CSMD1: variants seen among roughly 807,000 people sequenced by gnomAD.
CSMD1 encodes the protein CUB and sushi domain-containing protein 1.
CSMD1 carries 213 observed loss-of-function variants against 417.5 expected under a neutral mutation model. The observed-to-expected ratio is 0.51, with a 90% confidence interval of 0.46 to 0.57. The LOEUF (loss-of-function observed/expected upper bound fraction) is 0.57, where lower values mean the gene tolerates loss of function less well. Ranked by LOEUF, CSMD1 falls within the 20% of genes least tolerant of loss-of-function variation. The probability of loss-of-function intolerance (pLI) is 0.00; values close to 1 mark genes in which losing one functional copy is unlikely to be tolerated. For missense variants in CSMD1, 6,923 were observed against 4,529.7 expected, an observed-to-expected ratio of 1.53 and a Z score of -15.17; for synonymous variants, 2,862 against 1,736.8, an observed-to-expected ratio of 1.65 and a Z score of -16.11.
intron 26 of CSMD1, among the ~76,000 whole-genome samples, chr8:3,261,542 C>T (rs1801057830): frequency 6.6e-6 from 1 of 152,082 alleles, no homozygotes; most frequent in Admixed American, 6.6e-5. Context: ...AGAAAACCTG[C>T]GCGTGAATGT....
chr8:4,615,285 C>G (rs760626675), intron 2 of CSMD1, among the ~76,000 whole-genome samples: 3 of 152,198 alleles, frequency 2.0e-5, no homozygotes, highest in Admixed American at 1.3e-4. Flanking sequence ...ATGAAATAAT[C>G]TCTTCACATT....
intron 3 of CSMD1, among the ~76,000 whole-genome samples, chr8:4,163,198 T>C (rs890760567): frequency 2.4e-4 from 37 of 152,346 alleles, no homozygotes; most frequent in African/African-American, 8.2e-4. Context: ...AAAACATCCC[T>C]TGGCAGGTTT....
chr8:3,536,394 G>A (rs1029361693), intron 10 of CSMD1, among the ~76,000 whole-genome samples: 4 of 152,168 alleles, frequency 2.6e-5, no homozygotes, highest in East Asian at 1.9e-4. Context: ...ATTCTACTAC[G>A]TGCAACTGTA....
intron 1 of CSMD1, chr8:4,787,682 C>T: frequency 1.3e-6 from 2 of 1,590,092 alleles, no homozygotes; most frequent in Non-Finnish European, 8.6e-7. Context: ...GTTTACCCAC[C>T]TAAAGTGGAG....
chr8:4,191,926 T>C (rs1444221170), intron 3 of CSMD1, among the ~76,000 whole-genome samples: 4 of 152,172 alleles, frequency 2.6e-5, no homozygotes, highest in Non-Finnish European at 5.9e-5. Flanking sequence ...ATTAGCACAA[T>C]TCAGCTCCCT....
chr8:4,581,653 G>C (rs185584109), intron 2 of CSMD1, among the ~76,000 whole-genome samples: 408 of 152,296 alleles, frequency 2.7e-3, no homozygotes, highest in African/African-American at 9.3e-3. Context: ...GTGGAAAGGG[G>C]AGTTCATTTG....
chr8:3,780,949 C>G (rs531509039), intron 5 of CSMD1, among the ~76,000 whole-genome samples: 1 of 152,134 alleles, frequency 6.6e-6, no homozygotes, highest in Non-Finnish European at 1.5e-5. Flanking sequence ...AAAAATAAAG[C>G]TCTAAAGATA....
At chr8:4,933,386 G>A (rs558356322) in intron 1 of CSMD1, among the ~76,000 whole-genome samples, 1 of 152,144 alleles carries the variant, frequency 6.6e-6, no homozygotes, top group South Asian at 2.1e-4. Context: ...CTTCCTCCTC[G>A]CCATCTGACC....
At chr8:3,957,739 G>C (rs1012844424) in intron 5 of CSMD1, among the ~76,000 whole-genome samples, 1 of 151,424 alleles carries the variant, frequency 6.6e-6, no homozygotes, top group Non-Finnish European at 1.5e-5. Flanking sequence ...AAGAAATGTA[G>C]AAAAGAAAAA....
intron 3 of CSMD1, among the ~76,000 whole-genome samples, chr8:4,034,414 C>T (rs1797511766): frequency 6.6e-6 from 1 of 152,170 alleles, no homozygotes; most frequent in Admixed American, 6.5e-5. Context: ...GAAAATAGTT[C>T]ACTATTGTCT....
intron 5 of CSMD1, among the ~76,000 whole-genome samples, chr8:3,893,363 T>TATATATATATA (rs1563185043): frequency 6.9e-5 from 2 of 28,820 alleles, no homozygotes; most frequent in African/African-American, 1.5e-4. Context: ...ATATATATAT[T>TATATATATATA]ATTTTTTTTC....
At chr8:4,339,977 T>C (rs1032832645) in intron 3 of CSMD1, among the ~76,000 whole-genome samples, 2 of 152,038 alleles carry the variant, frequency 1.3e-5, no homozygotes, top group African/African-American at 4.8e-5. Context: ...TGAGCGGTGA[T>C]AGCAACACTG....
At chr8:3,413,932 A>T (rs1202821441) in intron 12 of CSMD1, among the ~76,000 whole-genome samples, 5 of 151,990 alleles carry the variant, frequency 3.3e-5, no homozygotes, top group African/African-American at 1.2e-4. Flanking sequence ...TGAGATCATG[A>T]GTTGGAGACC....
intron 3 of CSMD1, among the ~76,000 whole-genome samples, chr8:4,230,605 A>G (rs1801663046): frequency 6.6e-6 from 1 of 152,198 alleles, no homozygotes; most frequent in South Asian, 2.1e-4. Flanking sequence ...GCTGTTATGT[A>G]TCAAGATGTT....
At chr8:4,845,292 G>A (rs927805491) in intron 1 of CSMD1, among the ~76,000 whole-genome samples, 4 of 152,092 alleles carry the variant, frequency 2.6e-5, no homozygotes, top group Non-Finnish European at 4.4e-5. Context: ...TTTAGAAAAC[G>A]AACACTGTTA....
At chr8:3,288,121 G>A (rs1176204101) in intron 25 of CSMD1, among the ~76,000 whole-genome samples, 2 of 147,384 alleles carry the variant, frequency 1.4e-5, no homozygotes, top group African/African-American at 5.4e-5. Context: ...ATTTTCATTT[G>A]TTGAACAAGC....
At chr8:3,081,741 C>T (rs1250869177) in intron 49 of CSMD1, among the ~76,000 whole-genome samples, 6 of 152,166 alleles carry the variant, frequency 3.9e-5, no homozygotes, top group African/African-American at 1.2e-4. Context: ...TCTTTAATTA[C>T]AATTTTATTC....
chr8:4,674,489 G>C (rs1805549485), intron 1 of CSMD1, among the ~76,000 whole-genome samples: 1 of 152,114 alleles, frequency 6.6e-6, no homozygotes, highest in African/African-American at 2.4e-5. Flanking sequence ...TGCTCAAAGG[G>C]AATGAGGGAA....
In CSMD1 at chr8:4,082,911, A is replaced by G. The variant is rs1319991963; in HGVS notation, c.416-50812T>C. Reference sequence around the variant, plus strand: ...TACTTTACTGACAATGATTATTTCCAATTTCATCCATGTCCTTACAAAGGA... The same window carrying G: ...TACTTTACTGACAATGATTATTTCCGATTTCATCCATGTCCTTACAAAGGA... On this transcript the variant is annotated intron_variant, in intron 3 of 69. Coordinates refer to ENST00000635120, the MANE Select transcript of CSMD1 (RefSeq NM_033225.6). 2.6e-5 allele frequency among the ~76,000 whole-genome samples: 4 copies of G among 151,724 alleles called. No homozygotes were observed. The East Asian group carries it at 7.8e-4, about 30-fold the overall frequency.
Sources: gnomAD v4.1 joint callset for allele counts (sites outside exome capture counted in the v4.1 genomes callset) on GRCh38, gnomAD v4.1.1 for gene constraint, MANE v1.5 for transcripts, NCBI Gene and HGNC (gene_info 2026-07-23, HGNC 2026-07-21) for gene names.